BCAS3: variants seen among roughly 807,000 people sequenced by gnomAD.
The protein encoded by BCAS3 is BCAS3 microtubule associated cell migration factor, also known as BCAS4/BCAS3 fusion.
A neutral mutation model predicts 116.1 loss-of-function variants in BCAS3; 53 were observed. That is an observed-to-expected ratio of 0.46 (90% CI 0.37 to 0.57). The LOEUF (loss-of-function observed/expected upper bound fraction) is 0.57, where lower values mean the gene tolerates loss of function less well. Ranked by LOEUF, BCAS3 falls within the 20% of genes least tolerant of loss-of-function variation. The pLI is 0.00. For synonymous variants in BCAS3, 391 were observed against 408.2 expected (o/e 0.96, Z 0.51); for missense variants, 917 against 1,165.4 (o/e 0.79, Z 3.10).
At chr17:61,322,887 G>A (rs2055420941) in intron 22 of BCAS3, among the ~76,000 whole-genome samples, 1 of 134,636 alleles carries the variant, frequency 7.4e-6, no homozygotes, top group Non-Finnish European at 1.6e-5. Context: ...AGAGGTGGTG[G>A]GGGGTCCTCT....
At chr17:60,933,259 ATTTC>A (rs1485664696) in intron 13 of BCAS3, among the ~76,000 whole-genome samples, 1 of 152,230 alleles carries the variant, frequency 6.6e-6, no homozygotes, top group African/African-American at 2.4e-5. Context: ...ACAACAAACT[ATTTC>A]TTATTTATCA....
At position 61,313,760 on chromosome 17, in the gene BCAS3, T is replaced by G. The variant is rs1389756773; in HGVS notation, c.2426-54567T>G. ...AGCCTTTGGCTACAAAGCTAATGGT[T>G]TGGGTTCCAGGGCACAGGATAAAAA... On this transcript the variant is annotated intron_variant, in intron 22 of 23. Coordinates refer to ENST00000407086, the MANE Select transcript of BCAS3 (RefSeq NM_017679.5). This position sits in a 1 kb window ranked among gnomAD's most constrained non-coding sequence, Gnocchi z 4.3. Among the ~76,000 whole-genome samples, 1 of 152,162 alleles carries G rather than the reference T, an allele frequency of 6.6e-6. No homozygotes were observed. The highest frequency in any genetic ancestry group is 1.5e-5 in the Non-Finnish European group (1 of 68,032).
intron 7 of BCAS3, among the ~76,000 whole-genome samples, chr17:60,835,309 T>C (rs1026406972): frequency 2.8e-4 from 42 of 152,046 alleles, no homozygotes; most frequent in Non-Finnish European, 1.0e-4. Flanking sequence ...AGTTATGCTA[T>C]TATTATGGCT....
intron 7 of BCAS3, chr17:60,851,493 A>G (rs2053157248): frequency 3.6e-6 from 2 of 558,782 alleles, no homozygotes; most frequent in Middle Eastern, 3.7e-4. Context: ...AGCGAAGCCG[A>G]AAAAGGCAGC....
At position 61,095,468 on chromosome 17, in the gene BCAS3, T is replaced by C. The variant is rs1442102906; in HGVS notation, c.2425+10904T>C. Among the ~76,000 whole-genome samples the C allele has an allele frequency of 1.3e-5, 2 of 152,040 alleles. No homozygotes were observed. The highest frequency in any genetic ancestry group is 2.1e-4 in the South Asian group (1 of 4,806). On this transcript the variant is annotated intron_variant, in intron 22 of 23. Transcript: ENST00000407086. The surrounding 1 kb of genome is among the most constrained non-coding windows in gnomAD (Gnocchi z 4.7). ...GGGGTCCTGGGTTTTTTGTTGTTGTTGTCGTTTGTTTGTTTTTTTGAGACA... is the reference window on the plus strand; with the variant it reads ...GGGGTCCTGGGTTTTTTGTTGTTGTCGTCGTTTGTTTGTTTTTTTGAGACA...
intron 7 of BCAS3, among the ~76,000 whole-genome samples, chr17:60,840,234 A>G (rs2051774432): frequency 2.0e-5 from 3 of 152,144 alleles, no homozygotes; most frequent in Non-Finnish European, 2.9e-5. Context: ...ATATTGTATT[A>G]TTTGTAATTC....
chr17:60,898,235 G>A (rs1478843115), intron 10 of BCAS3, among the ~76,000 whole-genome samples: 1 of 152,114 alleles, frequency 6.6e-6, no homozygotes, highest in Non-Finnish European at 1.5e-5. Context: ...TCTGGCTGGA[G>A]AGTTATTGTG....
intron 3 of BCAS3, among the ~76,000 whole-genome samples, chr17:60,684,336 A>C (rs2033708255): frequency 6.6e-6 from 1 of 152,098 alleles, no homozygotes; most frequent in Non-Finnish European, 1.5e-5. Context: ...GTCCTATTTA[A>C]GTGTTGCCTG....
intron 20 of BCAS3, among the ~76,000 whole-genome samples, chr17:61,075,683 G>T (rs1186128765): frequency 5.3e-5 from 8 of 152,132 alleles, no homozygotes; most frequent in Non-Finnish European, 1.2e-4. Context: ...AGTTGACCTT[G>T]ATGAAACAGT....
At chr17:60,943,137 GA>G (rs1166810316) in intron 13 of BCAS3, among the ~76,000 whole-genome samples, 1 of 151,978 alleles carries the variant, frequency 6.6e-6, no homozygotes, top group Non-Finnish European at 1.5e-5. Flanking sequence ...CATAAAAATT[GA>G]ATATTCCAAA....
chr17:61,091,368 G>A (rs2073553829), intron 22 of BCAS3, among the ~76,000 whole-genome samples: 1 of 152,148 alleles, frequency 6.6e-6, no homozygotes, highest in Non-Finnish European at 1.5e-5. Context: ...TGTTTATGTA[G>A]TCTGTTGCAT....
At chr17:60,893,314 G>A (rs1383974847) in intron 10 of BCAS3, among the ~76,000 whole-genome samples, 1 of 151,972 alleles carries the variant, frequency 6.6e-6, no homozygotes, top group African/African-American at 2.4e-5. Flanking sequence ...CCTTGCCTAG[G>A]ACAATGTCTA....
At position 61,097,192 on chromosome 17, in the gene BCAS3, T is replaced by A. The variant is rs907452195; in HGVS notation, c.2425+12628T>A. Among the ~76,000 whole-genome samples, 4 of 151,806 alleles carry A rather than the reference T, an allele frequency of 2.6e-5. No individual in the cohort carries two copies. The highest frequency in any genetic ancestry group is 9.7e-5 in the African/African-American group (4 of 41,080). ...CTTTATTTGTTTTTTTCTTTTTTCT[T>A]TTTTGAGACTGAGTCTCGCTCTGTC... On this transcript the variant is annotated intron_variant, in intron 22 of 23. Transcript: ENST00000407086. This position sits in a 1 kb window ranked among gnomAD's most constrained non-coding sequence, Gnocchi z 4.0.
intron 7 of BCAS3, among the ~76,000 whole-genome samples, chr17:60,842,565 A>G (rs567696113): frequency 2.6e-4 from 40 of 152,150 alleles, no homozygotes; most frequent in African/African-American, 9.4e-4. Context: ...TCTTTTGCCA[A>G]TATTCTGCAT....
chr17:60,757,467 G>T (rs2043123012), intron 6 of BCAS3, among the ~76,000 whole-genome samples: 1 of 149,454 alleles, frequency 6.7e-6, no homozygotes, highest in African/African-American at 2.5e-5. Context: ...TTCTAACTGG[G>T]GTAAGATGAT....
chr17:61,363,663 T>C lies in BCAS3; in HGVS notation c.2426-4664T>C, dbSNP rs1255797435. The stretch of plus-strand genomic sequence containing the variant: ...TGTGTGAGTTAACTGAAATAGCAAA[T>C]GTGAGAGGGCTTTGTAAATAGCAGA... On this transcript the variant is annotated intron_variant, in intron 22 of 23. Coordinates refer to ENST00000407086, the MANE Select transcript of BCAS3 (RefSeq NM_017679.5). The surrounding 1 kb of genome is among the most constrained non-coding windows in gnomAD (Gnocchi z 4.9). Among the ~76,000 whole-genome samples the C allele has an allele frequency of 1.3e-5, 2 of 151,820 alleles. No individual in the cohort carries two copies. Among genetic ancestry groups the C allele is most frequent in the Non-Finnish European group, 2.9e-5 (2 of 67,998 alleles).
intron 4 of BCAS3, among the ~76,000 whole-genome samples, chr17:60,694,853 C>A (rs1480474365): frequency 6.6e-6 from 1 of 152,006 alleles, no homozygotes; most frequent in African/African-American, 2.4e-5. Context: ...CTTCATTGTG[C>A]AAAACTGAAA....
intron 22 of BCAS3, among the ~76,000 whole-genome samples, chr17:61,273,707 C>T (rs1473417288): frequency 6.7e-6 from 1 of 149,050 alleles, no homozygotes; most frequent in Non-Finnish European, 1.5e-5. Context: ...CTAATATTGT[C>T]GCATGGGTCA....
chr17:60,935,542 A>C (rs2059873669), intron 13 of BCAS3, among the ~76,000 whole-genome samples: 1 of 152,224 alleles, frequency 6.6e-6, no homozygotes, highest in South Asian at 2.1e-4. Context: ...GTTCTGTAAC[A>C]TAGTCACAGA....
Sources: gnomAD v4.1 joint callset for allele counts (sites outside exome capture counted in the v4.1 genomes callset) on GRCh38, gnomAD v4.1.1 for gene constraint, Gnocchi (gnomAD v3.1) non-coding constraint, MANE v1.5 for transcripts, NCBI Gene and HGNC (gene_info 2026-07-23, HGNC 2026-07-21) for gene names.